RBFOX1: variants seen among roughly 807,000 people sequenced by gnomAD.
RBFOX1 encodes RNA binding fox-1 homolog 1.
RBFOX1 carries 8 observed loss-of-function variants against 57.7 expected under a neutral mutation model. The observed-to-expected ratio is 0.14, with a 90% CI of 0.08 to 0.25. The LOEUF (loss-of-function observed/expected upper bound fraction) is 0.25, where lower values mean the gene tolerates loss of function less well. Among genes scored for constraint, RBFOX1 ranks in the 10% least tolerant of loss-of-function variants. The pLI, the probability that RBFOX1 is intolerant of heterozygous loss-of-function variation, is 1.00. For missense variants in RBFOX1, 611 were observed against 548.5 expected, an observed-to-expected ratio of 1.11 and a Z score of -1.14; for synonymous variants, 326 against 222.4, an observed-to-expected ratio of 1.47 and a Z score of -4.15.
intron 12 of RBFOX1, 83 bp downstream of exon 12, chr16:7,654,030 T>C (rs2302216): frequency 0.81 from 1,137,319 of 1,399,260 alleles, 464,980 homozygotes; most frequent in Non-Finnish European, 0.83. Context: ...GAGCGCATGA[T>C]GGTCTTGACT....
At chr16:6,963,637 C>T (rs1049557251) in intron 3 of RBFOX1, among the ~76,000 whole-genome samples, 1 of 152,042 alleles carries the variant, frequency 6.6e-6, no homozygotes, top group African/African-American at 2.4e-5. Flanking sequence ...TCCAGGGGTG[C>T]CAGAGATTAT....
intron 3 of RBFOX1, among the ~76,000 whole-genome samples, chr16:6,906,516 G>A (rs990278277): frequency 1.3e-5 from 2 of 151,948 alleles, no homozygotes; most frequent in Non-Finnish European, 2.9e-5. Context: ...TTATATAACC[G>A]CAATCTAATC....
At chr16:7,288,295 C>G (rs1428687166) in intron 4 of RBFOX1, among the ~76,000 whole-genome samples, 2 of 152,150 alleles carry the variant, frequency 1.3e-5, no homozygotes, top group Non-Finnish European at 2.9e-5. Context: ...ACTTGGAAAT[C>G]CATTTAAGGA....
intron 4 of RBFOX1, among the ~76,000 whole-genome samples, chr16:7,135,173 T>G (rs1355078743): frequency 2.6e-5 from 4 of 152,212 alleles, no homozygotes; most frequent in African/African-American, 9.6e-5. Flanking sequence ...CCTGTTACAT[T>G]GTTCTGTTTC....
chr16:5,897,046 T>G (rs890538036), intron 4 of RBFOX1, among the ~76,000 whole-genome samples: 6 of 57,456 alleles, frequency 1.0e-4, no homozygotes, highest in Admixed American at 8.7e-4. Context: ...TTTTTTTTTT[T>G]GGGACGGAGT....
At chr16:6,575,511 C>T (rs954360101) in intron 2 of RBFOX1, among the ~76,000 whole-genome samples, 10 of 152,098 alleles carry the variant, frequency 6.6e-5, no homozygotes, top group African/African-American at 2.4e-4. Context: ...AGACCCAAAA[C>T]ACTTCTAAAA....
chr16:5,731,852 A>G (rs2052384635), intron 3 of RBFOX1, among the ~76,000 whole-genome samples: 1 of 152,302 alleles, frequency 6.6e-6, no homozygotes, highest in East Asian at 1.9e-4. Context: ...CACTGCAAGA[A>G]AAATAAGAAG....
chr16:5,775,414 G>C (rs2054114567), intron 3 of RBFOX1, among the ~76,000 whole-genome samples: 1 of 152,234 alleles, frequency 6.6e-6, no homozygotes, highest in South Asian at 2.1e-4. Context: ...TGGAGGGACT[G>C]ATGCAAGCCA....
rs192661825 is a variant in RBFOX1 at position 6,874,465 on chromosome 16, C to G, written c.-15-177592C>G. 3.3e-4 allele frequency among the ~76,000 whole-genome samples: 42 copies of G among 125,548 alleles called. No individual in the cohort carries two copies. In the Admixed American group the frequency reaches 3.9e-3, roughly 12 times the overall value. 82.4% of individuals were successfully genotyped at this position (125,548 alleles called of 152,430 possible). A position where few individuals can be genotyped will look rare whatever the true frequency, so the allele number is the denominator to read the frequency against. ...ATGGAGGTTGCAGTTAGTGGAAGAT[C>G]ATGCCACTGCACTCCAGGCTGGGCG... On this transcript the variant is annotated intron_variant, in intron 3 of 15. Coordinates refer to ENST00000550418, the MANE Select transcript of RBFOX1 (RefSeq NM_018723.4).
chr16:7,347,313 C>A (rs894450009), intron 4 of RBFOX1, among the ~76,000 whole-genome samples: 1 of 152,070 alleles, frequency 6.6e-6, no homozygotes, highest in African/African-American at 2.4e-5. Context: ...GGAGCCCTCA[C>A]AATCATGTTG....
intron 4 of RBFOX1, among the ~76,000 whole-genome samples, chr16:7,117,221 G>C (rs186101606): frequency 6.6e-6 from 1 of 152,092 alleles, no homozygotes; most frequent in Non-Finnish European, 1.5e-5. Flanking sequence ...TGTAACAAGG[G>C]CATTGACACA....
At chr16:7,050,694 C>G (rs2049759888) in intron 3 of RBFOX1, among the ~76,000 whole-genome samples, 1 of 152,100 alleles carries the variant, frequency 6.6e-6, no homozygotes, top group Non-Finnish European at 1.5e-5. Context: ...TTTCATATCT[C>G]TATATTTAAA....
chr16:6,555,089 G>C (rs936807726), intron 2 of RBFOX1, among the ~76,000 whole-genome samples: 1 of 152,096 alleles, frequency 6.6e-6, no homozygotes, highest in African/African-American at 2.4e-5. Flanking sequence ...GGAAACACAG[G>C]GAAGGAGGAT....
intron 4 of RBFOX1, among the ~76,000 whole-genome samples, chr16:7,211,290 G>T (rs1271211359): frequency 6.6e-6 from 1 of 151,372 alleles, no homozygotes; most frequent in Non-Finnish European, 1.5e-5. Flanking sequence ...TTCTCGGGAG[G>T]CTGAGGCAGG....
intron 7 of RBFOX1, among the ~76,000 whole-genome samples, chr16:7,587,600 G>A (rs2094198815): frequency 6.6e-6 from 1 of 152,090 alleles, no homozygotes; most frequent in African/African-American, 2.4e-5. Context: ...TGATAATTAT[G>A]TTCTTTATAT....
chr16:6,483,975 G>A (rs1300852133), intron 2 of RBFOX1: 3 of 1,022,218 alleles, frequency 2.9e-6, no homozygotes, highest in Non-Finnish European at 3.5e-6. Context: ...CTCGCCCTGG[G>A]TGCCCCGTGG....
chr16:7,213,367 G>C (rs2091492733), intron 4 of RBFOX1, among the ~76,000 whole-genome samples: 1 of 152,176 alleles, frequency 6.6e-6, no homozygotes, highest in Admixed American at 6.5e-5. Context: ...GGGACTCAGT[G>C]ATCAGTATTT....
chr16:5,686,483 G>T (rs1375030020), intron 3 of RBFOX1, among the ~76,000 whole-genome samples: 1 of 152,136 alleles, frequency 6.6e-6, no homozygotes, highest in African/African-American at 2.4e-5. Context: ...GCTGTTTCCT[G>T]TGCCTCCACT....
At position 6,780,331 on chromosome 16, in the gene RBFOX1, A is replaced by G. The variant is rs1285804920; in HGVS notation, c.-16+125681A>G. ...TATATATTTATTCATATTTATATAT[A>G]TTTATACATATTTATATACATATTT... On this transcript the variant is annotated intron_variant, in intron 3 of 15. Coordinates refer to ENST00000550418, the MANE Select transcript of RBFOX1 (RefSeq NM_018723.4). Among the ~76,000 whole-genome samples the G allele has an allele frequency of 2.9e-4, 27 of 92,680 alleles. 2 individuals are homozygous for G. Among genetic ancestry groups the G allele is most frequent in the African/African-American group, 1.1e-3 (22 of 20,500 alleles). The allele number at this position is 92,680 out of a possible 152,430, so 60.8% of individuals were successfully genotyped here. A position where few individuals can be genotyped will look rare whatever the true frequency, so the allele number is the denominator to read the frequency against.
Sources: allele counts gnomAD v4.1 joint callset (sites outside exome capture counted in the v4.1 genomes callset), GRCh38; gene constraint gnomAD v4.1.1; transcripts MANE v1.5; gene names NCBI Gene and HGNC (gene_info 2026-07-23, HGNC 2026-07-21).